GLIS3: variants seen among roughly 807,000 people sequenced by gnomAD.
GLIS3 encodes zinc finger protein GLIS3.
Under a neutral mutation model 78.6 loss-of-function variants are expected in GLIS3, and 53 were observed. The ratio of observed to expected loss-of-function variants is 0.67; its 90% confidence interval spans 0.54 to 0.85. The LOEUF (loss-of-function observed/expected upper bound fraction) is 0.85. Ranked by LOEUF, GLIS3 falls within the 40% of genes least tolerant of loss-of-function variation. The probability of loss-of-function intolerance (pLI) is 0.00; values close to 1 mark genes in which losing one functional copy is unlikely to be tolerated. For synonymous variants in GLIS3, 684 were observed against 509.9 expected (o/e 1.34, Z -4.60); for missense variants, 1,703 against 1,231.1 (o/e 1.38, Z -5.74).
chr9:4,030,997 C>T (rs1034670734), intron 4 of GLIS3, among the ~76,000 whole-genome samples: 12 of 152,076 alleles, frequency 7.9e-5, no homozygotes, highest in African/African-American at 2.9e-4. Flanking sequence ...TGGAAAATAA[C>T]AAGTGTTGGC....
At chr9:4,001,358 A>T (rs892233042) in intron 4 of GLIS3, among the ~76,000 whole-genome samples, 1 of 152,216 alleles carries the variant, frequency 6.6e-6, no homozygotes, top group African/African-American at 2.4e-5. Flanking sequence ...AAGTTTACCT[A>T]AGGAAAAAGC....
intron 4 of GLIS3, among the ~76,000 whole-genome samples, chr9:4,308,068 A>G (rs1321705222): frequency 1.3e-5 from 2 of 152,186 alleles, no homozygotes; most frequent in African/African-American, 4.8e-5. Flanking sequence ...CTGTCCTTAC[A>G]GTATTTAATG....
At chr9:3,899,272 T>C (rs181942068) in intron 6 of GLIS3, among the ~76,000 whole-genome samples, 233 of 152,304 alleles carry the variant, frequency 1.5e-3, no homozygotes, top group Middle Eastern at 0.01. Context: ...TTAACTCCTA[T>C]AGATTTTCCA....
At chr9:4,468,476 A>G in the GLIS3 span, among the ~76,000 whole-genome samples, 41 of 152,306 alleles carry the variant, frequency 2.7e-4, no homozygotes, top group African/African-American at 9.6e-4. Context: ...GTGGGGGCCA[A>G]TATTCAACAT....
the GLIS3 span, among the ~76,000 whole-genome samples, chr9:4,474,008 A>T: frequency 7.5e-6 from 1 of 132,940 alleles, no homozygotes; most frequent in African/African-American, 2.5e-5. Context: ...TATTGTAAAG[A>T]TGTCAGTTCC....
intron 2 of GLIS3, among the ~76,000 whole-genome samples, chr9:4,230,728 A>C (rs956585958): frequency 6.6e-6 from 1 of 152,216 alleles, no homozygotes; most frequent in African/African-American, 2.4e-5. Flanking sequence ...GCATCCGTCA[A>C]AGAGGGAGAA....
At chr9:3,865,731 G>A (rs998550928) in intron 8 of GLIS3, among the ~76,000 whole-genome samples, 16 of 152,132 alleles carry the variant, frequency 1.1e-4, no homozygotes. Flanking sequence ...AACATGAGGT[G>A]GATTTGTTTG....
chr9:4,134,068 C>G (rs1387006837), intron 2 of GLIS3, among the ~76,000 whole-genome samples: 1 of 152,124 alleles, frequency 6.6e-6, no homozygotes, highest in Non-Finnish European at 1.5e-5. Context: ...AGTAAAATTT[C>G]AAAACGTGGC....
chr9:3,909,132 T>C (rs935462030), intron 6 of GLIS3, among the ~76,000 whole-genome samples: 4 of 152,146 alleles, frequency 2.6e-5, no homozygotes, highest in African/African-American at 7.2e-5. Context: ...GACAGTAGGA[T>C]TTTTTCCCCA....
At chr9:4,036,827 T>G (rs775623425) in intron 4 of GLIS3, among the ~76,000 whole-genome samples, 3 of 152,170 alleles carry the variant, frequency 2.0e-5, no homozygotes, top group Non-Finnish European at 4.4e-5. Context: ...GACTCATTCT[T>G]GATGCCAAAA....
chr9:3,959,465 C>A (rs1485260862), intron 4 of GLIS3, among the ~76,000 whole-genome samples: 5 of 152,206 alleles, frequency 3.3e-5, no homozygotes, highest in African/African-American at 1.2e-4. Flanking sequence ...TGTAATTCCT[C>A]TGACTAGAAT....
chr9:4,328,874 T>C (rs1451679790), intron 2 of GLIS3, among the ~76,000 whole-genome samples: 1 of 152,194 alleles, frequency 6.6e-6, no homozygotes, highest in Admixed American at 6.5e-5. Flanking sequence ...TTATTACTAT[T>C]AGAAGAGGAG....
intron 2 of GLIS3, among the ~76,000 whole-genome samples, chr9:4,171,338 T>A (rs1015671423): frequency 2.0e-5 from 3 of 152,280 alleles, no homozygotes; most frequent in South Asian, 2.1e-4. Flanking sequence ...AGCCTAGTAA[T>A]AAGAAAGATT....
At chr9:4,089,437 A>G (rs1038511256) in intron 4 of GLIS3, among the ~76,000 whole-genome samples, 3 of 152,338 alleles carry the variant, frequency 2.0e-5, no homozygotes, top group Admixed American at 6.5e-5. Flanking sequence ...CGACCTTACA[A>G]ATTCAATCAA....
chr9:4,165,785 G>A (rs966810289), intron 2 of GLIS3, among the ~76,000 whole-genome samples: 7 of 152,210 alleles, frequency 4.6e-5, no homozygotes, highest in African/African-American at 1.2e-4. Context: ...AGTTTCTGGG[G>A]ATAACAATAA....
chr9:4,185,341 T>G (rs1817689701), intron 2 of GLIS3, among the ~76,000 whole-genome samples: 1 of 152,218 alleles, frequency 6.6e-6, no homozygotes, highest in African/African-American at 2.4e-5. Context: ...CTGTATTTTG[T>G]TTATCCATTC....
chr9:4,085,246 C>T (rs1828919079), intron 4 of GLIS3, among the ~76,000 whole-genome samples: 1 of 147,936 alleles, frequency 6.8e-6, no homozygotes, highest in Non-Finnish European at 1.5e-5. Flanking sequence ...AATCAGTTTG[C>T]CTCTATCACT....
chr9:3,978,872 T>C (rs1819010046), intron 4 of GLIS3, among the ~76,000 whole-genome samples: 3 of 152,138 alleles, frequency 2.0e-5, no homozygotes. Context: ...AGATTAGAAA[T>C]ATTTTTTAAA....
chr9:4,086,337 G>A (rs1394358136), intron 4 of GLIS3, among the ~76,000 whole-genome samples: 1 of 152,090 alleles, frequency 6.6e-6, no homozygotes, highest in Non-Finnish European at 1.5e-5. Flanking sequence ...TCCCTCCTCT[G>A]AGTTATCACA....
Sources: gnomAD v4.1 joint callset for allele counts (sites outside exome capture counted in the v4.1 genomes callset) on GRCh38, gnomAD v4.1.1 for gene constraint, MANE v1.5 for transcripts, NCBI Gene and HGNC (gene_info 2026-07-23, HGNC 2026-07-21) for gene names.